Variants in KIF26B observed in about 807,000 individuals in gnomAD.
KIF26B encodes kinesin-like protein KIF26B.
Under a neutral mutation model 151.2 loss-of-function variants are expected in KIF26B, and 63 were observed. That is an observed-to-expected ratio of 0.42 (90% CI 0.34 to 0.51). KIF26B has a LOEUF of 0.51. Ranked by LOEUF, KIF26B falls within the 20% of genes least tolerant of loss-of-function variation. The pLI is 0.07. For missense variants in KIF26B, 2,813 were observed against 2,913.6 expected, an observed-to-expected ratio of 0.97 and a Z score of 0.79; for synonymous variants, 1,357 against 1,262.1, an observed-to-expected ratio of 1.08 and a Z score of -1.59.
intron 2 of KIF26B, among the ~76,000 whole-genome samples, chr1:245,171,354 C>A (rs891623955): frequency 6.6e-6 from 1 of 152,104 alleles, no homozygotes; most frequent in African/African-American, 2.4e-5. Context: ...CCAGCCTGAC[C>A]AACATGGTGA....
chr1:245,476,351 A>G (rs1660037236), intron 4 of KIF26B, among the ~76,000 whole-genome samples: 1 of 151,528 alleles, frequency 6.6e-6, no homozygotes. Context: ...TGATTGCACA[A>G]CTCTGTGAAT....
At chr1:245,558,618 T>A (rs2103114545) in intron 5 of KIF26B, among the ~76,000 whole-genome samples, 1 of 152,302 alleles carries the variant, frequency 6.6e-6, no homozygotes, top group Admixed American at 6.5e-5. Context: ...ACAAGGAAGG[T>A]GCTAGATACA....
At chr1:245,489,647 C>T (rs1660354426) in intron 4 of KIF26B, among the ~76,000 whole-genome samples, 1 of 152,168 alleles carries the variant, frequency 6.6e-6, no homozygotes, top group Admixed American at 6.5e-5. Context: ...TCTGATTCCT[C>T]GTCGGGCTAT....
chr1:245,342,569 TTTTTC>T lies in KIF26B; in HGVS notation c.466-24264_466-24260del, dbSNP rs879866735. Among the ~76,000 whole-genome samples, 2,246 of 152,160 alleles carry T rather than the reference TTTTTC, an allele frequency of 0.015. 104 individuals are homozygous for T. The East Asian group carries it at 0.15, about 10-fold the overall frequency. ...TTCTGGTTTTTGTTTTTGTTTTTGTTTTTTCCCTATTTTTCCCAAAGACCCGGGGC... is the reference window on the plus strand; with the variant it reads ...TTCTGGTTTTTGTTTTTGTTTTTGTTCCTATTTTTCCCAAAGACCCGGGGC... On this transcript the variant is annotated intron_variant, in intron 2 of 14. Coordinates refer to ENST00000407071, the MANE Select transcript of KIF26B (RefSeq NM_018012.4).
chr1:245,591,966 C>T (rs914630705), intron 5 of KIF26B, among the ~76,000 whole-genome samples: 4 of 152,308 alleles, frequency 2.6e-5, no homozygotes, highest in African/African-American at 4.8e-5. Flanking sequence ...CTCCCTCCAG[C>T]GCGCAGTCCC....
chr1:245,156,152 C>G, intron 1 of KIF26B, 130 bp from the exon 2 acceptor site: 1 of 1,363,276 alleles, frequency 7.3e-7, no homozygotes, highest in Non-Finnish European at 9.7e-7. Context: ...GGCCGCAGGG[C>G]TTGGAGAGGT....
intron 10 of KIF26B, among the ~76,000 whole-genome samples, chr1:245,680,316 A>T (rs1265156803): frequency 6.6e-6 from 1 of 152,184 alleles, no homozygotes; most frequent in Non-Finnish European, 1.5e-5. Context: ...GCAGAGGCCC[A>T]CATGAAGGGC....
chr1:245,349,354 G>T (rs1445246520), intron 2 of KIF26B, among the ~76,000 whole-genome samples: 1 of 152,066 alleles, frequency 6.6e-6, no homozygotes, highest in Non-Finnish European at 1.5e-5. Context: ...TGTAATAAAA[G>T]ATCCCAGAGG....
intron 2 of KIF26B, among the ~76,000 whole-genome samples, chr1:245,168,161 C>T (rs935829064): frequency 3.3e-5 from 5 of 152,230 alleles, no homozygotes; most frequent in African/African-American, 1.2e-4. Flanking sequence ...GGAGTCCACT[C>T]CGTGAACCCA....
intron 2 of KIF26B, among the ~76,000 whole-genome samples, chr1:245,235,731 GA>G (rs1286778449): frequency 6.6e-6 from 1 of 152,086 alleles, no homozygotes. Flanking sequence ...AAAGTCCACA[GA>G]AAACTGGAGT....
rs1030585623 is a variant in KIF26B at position 245,375,062 on chromosome 1, T to G, written c.999+7695T>G. Among the ~76,000 whole-genome samples the G allele has an allele frequency of 1.3e-5, 2 of 152,176 alleles. No individual in the cohort carries two copies. Among genetic ancestry groups the G allele is most frequent in the Admixed American group, 6.5e-5 (1 of 15,270 alleles). On this transcript the variant is annotated intron_variant, in intron 3 of 14. Coordinates refer to ENST00000407071, the MANE Select transcript of KIF26B (RefSeq NM_018012.4). The surrounding 1 kb of genome is among the most constrained non-coding windows in gnomAD (Gnocchi z 4.2). Reference sequence around the variant, plus strand: ...AGCAGATGTGATTAAGCCAAGGATCTTGAGATGGGGGATCATTTAATTTAA... The same window carrying G: ...AGCAGATGTGATTAAGCCAAGGATCGTGAGATGGGGGATCATTTAATTTAA...
At chr1:245,366,786 G>A in intron 2 of KIF26B, 48 bp from the exon 3 acceptor site, 1 of 1,584,792 alleles carries the variant, frequency 6.3e-7, no homozygotes, top group South Asian at 1.1e-5. Context: ...TGCACTAGCA[G>A]CCTTGGAGTT....
At chr1:245,481,709 C>T (rs1158644364) in intron 4 of KIF26B, among the ~76,000 whole-genome samples, 5 of 151,264 alleles carry the variant, frequency 3.3e-5, no homozygotes, top group African/African-American at 7.3e-5. Flanking sequence ...TGTGGCCAAG[C>T]GTTGATTATT....
At chr1:245,634,719 TA>T (rs2043817043) in intron 9 of KIF26B, among the ~76,000 whole-genome samples, 1 of 152,052 alleles carries the variant, frequency 6.6e-6, no homozygotes, top group Admixed American at 6.6e-5. Flanking sequence ...CTAGATACAA[TA>T]TTTTTTTGAG....
chr1:245,478,240 G>A (rs1660084175), intron 4 of KIF26B, among the ~76,000 whole-genome samples: 1 of 151,738 alleles, frequency 6.6e-6, no homozygotes, highest in South Asian at 2.1e-4. Flanking sequence ...ATTCATCAGT[G>A]GATGGACATC....
chr1:245,336,147 C>T (rs371016502), intron 2 of KIF26B, among the ~76,000 whole-genome samples: 1 of 144,462 alleles, frequency 6.9e-6, no homozygotes, highest in Admixed American at 6.9e-5. Context: ...GGGAGAGTCC[C>T]ATGCAGGGAA....
intron 9 of KIF26B, among the ~76,000 whole-genome samples, chr1:245,631,066 G>T (rs967132063): frequency 6.6e-6 from 1 of 152,116 alleles, no homozygotes; most frequent in Non-Finnish European, 1.5e-5. Context: ...TATGCCATCT[G>T]CAGAGAGGAA....
chr1:245,256,630 G>A (rs1284846416), intron 2 of KIF26B, among the ~76,000 whole-genome samples: 1 of 152,126 alleles, frequency 6.6e-6, no homozygotes, highest in Non-Finnish European at 1.5e-5. Flanking sequence ...CTCCGCGAAG[G>A]GCATTCTAAA....
intron 4 of KIF26B, among the ~76,000 whole-genome samples, chr1:245,436,604 A>G (rs1658938455): frequency 1.3e-5 from 2 of 152,142 alleles, no homozygotes; most frequent in Admixed American, 6.5e-5. Flanking sequence ...TGATTGGATG[A>G]GGCCCACCCA....
Sources: allele counts gnomAD v4.1 joint callset (sites outside exome capture counted in the v4.1 genomes callset), GRCh38; gene constraint gnomAD v4.1.1; non-coding constraint Gnocchi (gnomAD v3.1); transcripts MANE v1.5; gene names NCBI Gene and HGNC (gene_info 2026-07-23, HGNC 2026-07-21).